Variants in KIF13A observed in about 807,000 individuals in gnomAD.
KIF13A encodes kinesin family member 13A.
KIF13A carries 79 observed loss-of-function variants against 212.2 expected under a neutral mutation model. That is an observed-to-expected ratio of 0.37 (90% CI 0.31 to 0.45). The LOEUF is 0.45. KIF13A is among the 20% of genes least tolerant of loss of function. The probability of loss-of-function intolerance (pLI) is 1.00; values close to 1 mark genes in which losing one functional copy is unlikely to be tolerated. For synonymous variants in KIF13A, 789 were observed against 808.6 expected, an observed-to-expected ratio of 0.98 and a Z score of 0.41; for missense variants, 1,901 against 2,209.0, an observed-to-expected ratio of 0.86 and a Z score of 2.79.
intron 18 of KIF13A, among the ~76,000 whole-genome samples, chr6:17,808,547 G>A (rs1037771608): frequency 1.6e-4 from 25 of 152,234 alleles, no homozygotes; most frequent in African/African-American, 5.8e-4. Flanking sequence ...AAGTCCTTCA[G>A]CCACTAAAAT....
chr6:17,975,566 C>T (rs140764413), intron 2 of KIF13A, among the ~76,000 whole-genome samples: 2 of 152,310 alleles, frequency 1.3e-5, no homozygotes, highest in East Asian at 3.8e-4. Context: ...GCTTCCAGTA[C>T]AGAACAAAAC....
chr6:17,828,049 A>G lies in KIF13A; in HGVS notation c.1532+191T>C, dbSNP rs1346786151. Among the ~76,000 whole-genome samples the G allele has an allele frequency of 6.6e-6, 1 of 152,154 alleles. No individual in the cohort carries two copies. Among genetic ancestry groups the G allele is most frequent in the Non-Finnish European group, 1.5e-5 (1 of 68,024 alleles). ...AGCTCAGAGTTATGGATTAAGTGGAACTAGAACTCGCATACAAAAATAGTC... is the reference window on the plus strand; with the variant it reads ...AGCTCAGAGTTATGGATTAAGTGGAGCTAGAACTCGCATACAAAAATAGTC... On this transcript the variant is annotated intron_variant, in intron 14 of 38. Transcript: ENST00000259711. The surrounding 1 kb of genome is among the most constrained non-coding windows in gnomAD (Gnocchi z 4.3).
Position 17,855,857 on chromosome 6 carries a change from G to T in KIF13A, c.313+173C>A, listed in dbSNP as rs893570765. 2.0e-5 allele frequency among the ~76,000 whole-genome samples: 3 copies of T among 152,098 alleles called. No individual in the cohort carries two copies. The highest frequency in any genetic ancestry group is 4.4e-5 in the Non-Finnish European group (3 of 68,026). On this transcript the variant is annotated intron_variant, in intron 5 of 38. Coordinates refer to ENST00000259711, the MANE Select transcript of KIF13A (RefSeq NM_022113.6). This position sits in a 1 kb window ranked among gnomAD's most constrained non-coding sequence, Gnocchi z 4.1. ...GTCTCCCAAGAAGCTGGGACTACAGGTGTGCCACCACGCTGGGCTAATGTT... is the reference window on the plus strand; with the variant it reads ...GTCTCCCAAGAAGCTGGGACTACAGTTGTGCCACCACGCTGGGCTAATGTT...
chr6:17,858,719 C>T (rs142891506), intron 4 of KIF13A, among the ~76,000 whole-genome samples: 146 of 152,252 alleles, frequency 9.6e-4, no homozygotes, highest in African/African-American at 3.3e-3. Flanking sequence ...TGAAGGCATT[C>T]TAAAAGCAAT....
chr6:17,909,114 CAAA>C (rs1162592115), intron 2 of KIF13A, among the ~76,000 whole-genome samples: 3 of 152,200 alleles, frequency 2.0e-5, no homozygotes, highest in African/African-American at 7.2e-5. Flanking sequence ...GTTGTTACAA[CAAA>C]TAGTCCTCCT....
In KIF13A at chr6:17,872,265, T is replaced by C. The variant is rs1021179048; in HGVS notation, c.220+1112A>G. Reference sequence around the variant, plus strand: ...CAATAAACAAAACATTAATTTTCTTTAAACTAGTCATGTGCTTTTACCTCC... The same window carrying C: ...CAATAAACAAAACATTAATTTTCTTCAAACTAGTCATGTGCTTTTACCTCC... On this transcript the variant is annotated intron_variant, in intron 4 of 38. Coordinates refer to ENST00000259711, the MANE Select transcript of KIF13A (RefSeq NM_022113.6). The surrounding 1 kb of genome is among the most constrained non-coding windows in gnomAD (Gnocchi z 4.7). 5.3e-5 allele frequency among the ~76,000 whole-genome samples: 8 copies of C among 152,232 alleles called. No homozygotes were observed. Among genetic ancestry groups the C allele is most frequent in the Non-Finnish European group, 1.0e-4 (7 of 68,044 alleles).
chr6:17,890,717 C>A (rs894529796), intron 3 of KIF13A, among the ~76,000 whole-genome samples: 1 of 150,804 alleles, frequency 6.6e-6, no homozygotes, highest in African/African-American at 2.4e-5. Context: ...GCCACAGACT[C>A]CTGGGCTCAA....
intron 2 of KIF13A, among the ~76,000 whole-genome samples, chr6:17,946,862 A>G (rs191247804): frequency 6.6e-6 from 1 of 152,350 alleles, no homozygotes; most frequent in Non-Finnish European, 1.5e-5. Context: ...TGCAACAGCA[A>G]AAGTGAATTC....
rs539268621 is a variant in KIF13A, at chr6:17,984,585, GT to G, written c.146+2468del. 0.045 allele frequency: 35,766 copies of G among 789,656 alleles called. No homozygotes were observed. Among genetic ancestry groups the G allele is most frequent in the Non-Finnish European group, 0.049 (32,275 of 658,782 alleles). 48.9% of individuals were successfully genotyped at this position (789,656 alleles called of 1,614,324 possible). The stretch of plus-strand genomic sequence containing the variant: ...GAAACAATGAAAGCTGACCCCATCT[GT>G]TTTTTTTTTTTTTCCCTGGACGTCA... On this transcript the variant is annotated intron_variant, in intron 2 of 38. Transcript: ENST00000259711. The surrounding 1 kb of genome is among the most constrained non-coding windows in gnomAD (Gnocchi z 5.0).
At position 17,799,892 on chromosome 6, in the gene KIF13A, G is replaced by A. The variant is rs2150331916; in HGVS notation, c.2616+60C>T. 6.4e-7 allele frequency: 1 copy of A among 1,553,140 alleles called. No homozygotes were observed. Among genetic ancestry groups the A allele is most frequent in the Non-Finnish European group, 8.7e-7 (1 of 1,147,500 alleles). On this transcript the variant is annotated intron_variant, in intron 21 of 38. Transcript: ENST00000259711. The surrounding 1 kb of genome is among the most constrained non-coding windows in gnomAD (Gnocchi z 4.4). The stretch of plus-strand genomic sequence containing the variant: ...ATGAAAAACTCTCATAAGATTTTTT[G>A]TAAAATGGTTTTGCATGAAAAAGGT...
intron 38 of KIF13A, among the ~76,000 whole-genome samples, chr6:17,766,393 G>A: frequency 6.6e-6 from 1 of 151,490 alleles, no homozygotes. Context: ...GCATGCGCCA[G>A]CATGCCAGGC....
intron 2 of KIF13A, among the ~76,000 whole-genome samples, chr6:17,975,181 T>C (rs143168669): frequency 2.0e-5 from 3 of 152,062 alleles, no homozygotes; most frequent in Admixed American, 1.3e-4. Context: ...CTATCTCTAC[T>C]AAAAATAAAA....
At position 17,971,855 on chromosome 6, in the gene KIF13A, A is replaced by T. The variant is rs1247042805; in HGVS notation, c.146+15199T>A. On this transcript the variant is annotated intron_variant, in intron 2 of 38. Coordinates refer to ENST00000259711, the MANE Select transcript of KIF13A (RefSeq NM_022113.6). The surrounding 1 kb of genome is among the most constrained non-coding windows in gnomAD (Gnocchi z 4.2). ...GAACCAATGAGCAAGGGCAGCTAAC[A>T]GTCACTCTTGGAGGGAAAAAAACCA... 6.6e-6 allele frequency among the ~76,000 whole-genome samples: 1 copy of T among 152,218 alleles called. No individual in the cohort carries two copies. The highest frequency in any genetic ancestry group is 6.5e-5 in the Admixed American group (1 of 15,282).
chr6:17,832,883 G>A (rs1387667589), intron 12 of KIF13A, among the ~76,000 whole-genome samples: 2 of 150,128 alleles, frequency 1.3e-5, no homozygotes, highest in African/African-American at 2.5e-5. Context: ...GAGTGGTGGC[G>A]CAAGCCTCTA....
intron 17 of KIF13A, among the ~76,000 whole-genome samples, chr6:17,815,238 C>T (rs113511351): frequency 1.1e-3 from 162 of 152,286 alleles, no homozygotes; most frequent in African/African-American, 3.8e-3. Flanking sequence ...CAGAGCCAGG[C>T]GTACAGGGTG....
At chr6:17,889,019 G>A (rs983004486) in intron 3 of KIF13A, among the ~76,000 whole-genome samples, 1 of 152,058 alleles carries the variant, frequency 6.6e-6, no homozygotes, top group Admixed American at 6.6e-5. Context: ...TGGCTAAATG[G>A]CTACTGTACT....
At chr6:17,844,293 T>A (rs1437396735) in intron 9 of KIF13A, among the ~76,000 whole-genome samples, 1 of 152,164 alleles carries the variant, frequency 6.6e-6, no homozygotes, top group Non-Finnish European at 1.5e-5. Flanking sequence ...CAGTGGTTAA[T>A]GCCAATCATT....
rs541635474 is a variant in KIF13A, at chr6:17,963,310, C to T, written c.146+23744G>A. On this transcript the variant is annotated intron_variant, in intron 2 of 38. Coordinates refer to ENST00000259711, the MANE Select transcript of KIF13A (RefSeq NM_022113.6). This position sits in a 1 kb window ranked among gnomAD's most constrained non-coding sequence, Gnocchi z 4.1. ...GCGGGCGCCTGTAGTCCCAGCTACTCGGGAGGCTGACGCAGGAGAATCACT... is the reference window on the plus strand; with the variant it reads ...GCGGGCGCCTGTAGTCCCAGCTACTTGGGAGGCTGACGCAGGAGAATCACT... Among the ~76,000 whole-genome samples, 2 of 152,180 alleles carry T rather than the reference C, an allele frequency of 1.3e-5. No homozygotes were observed. The highest frequency in any genetic ancestry group is 2.1e-4 in the South Asian group (1 of 4,814).
At chr6:17,944,336 CCCT>C (rs1777203062) in intron 2 of KIF13A, among the ~76,000 whole-genome samples, 1 of 152,182 alleles carries the variant, frequency 6.6e-6, no homozygotes, top group African/African-American at 2.4e-5. Flanking sequence ...TTTCTGAGTG[CCCT>C]CCTGAGTTCA....
Sources: allele counts gnomAD v4.1 joint callset (sites outside exome capture counted in the v4.1 genomes callset), GRCh38; gene constraint gnomAD v4.1.1; non-coding constraint Gnocchi (gnomAD v3.1); transcripts MANE v1.5; gene names NCBI Gene and HGNC (gene_info 2026-07-23, HGNC 2026-07-21).